The following AP2B1 variants were observed in gnomAD, a reference collection of about 807,000 sequenced individuals.
AP2B1 encodes the protein AP-2 complex subunit beta.
In AP2B1, 23 loss-of-function variants were observed where a neutral mutation model predicts 102.0. That is an observed-to-expected ratio of 0.23 (90% confidence interval 0.16 to 0.32). AP2B1 has a LOEUF of 0.32. Among genes scored for constraint, AP2B1 ranks in the 10% least tolerant of loss-of-function variants. The pLI, the probability that AP2B1 is intolerant of heterozygous loss-of-function variation, is 1.00. For synonymous variants in AP2B1, 381 were observed against 421.2 expected, an observed-to-expected ratio of 0.90 and a Z score of 1.17; for missense variants, 541 against 1,157.4, an observed-to-expected ratio of 0.47 and a Z score of 7.73.
intron 12 of AP2B1, among the ~76,000 whole-genome samples, chr17:35,647,467 T>C (rs1030082013): frequency 8.6e-5 from 13 of 152,028 alleles, no homozygotes; most frequent in African/African-American, 2.9e-4. Flanking sequence ...AACCCGGGCA[T>C]TTCAAATACT....
At chr17:35,713,754 C>T (rs1389234964) in intron 20 of AP2B1, 6 of 152,230 alleles carry the variant, frequency 3.9e-5, no homozygotes, top group African/African-American at 1.2e-4. Context: ...GAAAGAGACC[C>T]TCTTCCCAAG....
At chr17:35,703,527 C>G (rs1389572556) in intron 18 of AP2B1, among the ~76,000 whole-genome samples, 1 of 152,120 alleles carries the variant, frequency 6.6e-6, no homozygotes, top group Non-Finnish European at 1.5e-5. Context: ...ATGTCCTTTG[C>G]AGGAGCATAG....
At chr17:35,679,833 A>G (rs1464302715) in intron 17 of AP2B1, among the ~76,000 whole-genome samples, 1 of 152,024 alleles carries the variant, frequency 6.6e-6, no homozygotes, top group Non-Finnish European at 1.5e-5. Context: ...TCATTTCATT[A>G]TTACAATTTG....
intron 2 of AP2B1, among the ~76,000 whole-genome samples, chr17:35,595,773 A>T (rs1467707719): frequency 2.0e-5 from 3 of 152,142 alleles, no homozygotes; most frequent in Admixed American, 6.5e-5. Context: ...CTTACACCTC[A>T]CAAAAGCCAT....
intron 2 of AP2B1, among the ~76,000 whole-genome samples, chr17:35,594,670 G>A (rs1284106715): frequency 6.6e-6 from 1 of 152,044 alleles, no homozygotes; most frequent in African/African-American, 2.4e-5. Context: ...CATGTTCTTC[G>A]TCTAGATGTA....
At chr17:35,686,119 A>G (rs2075926106) in intron 18 of AP2B1, among the ~76,000 whole-genome samples, 1 of 152,250 alleles carries the variant, frequency 6.6e-6, no homozygotes, top group South Asian at 2.1e-4. Context: ...TTAAATACCT[A>G]GTAGAGATTT....
rs772846719 is a variant in AP2B1 at position 35,624,454 on chromosome 17, A to G, written c.583A>G (p.Asn195Asp). ...AATCAGTGAGTCTCACCCAAACAGC[A>G]ACTTACTTGATCTGAACCCACAGAA... is the stretch of plus-strand genomic sequence containing the variant. ...SEISESHPNS[N>D]LLDLNPQNIN... Residue 195 changes from asparagine (N) to aspartate (D), a missense_variant, in exon 6 of 22, where the codon AAC becomes GAC. Around this residue, in one of 10 missense-constraint regions of AP2B1, gnomAD observed 134 missense variants for 250.2 expected, o/e 0.54. Transcript: ENST00000610402. The G allele has an allele frequency of 4.3e-6, 7 of 1,614,194 alleles. No homozygotes were observed. The Admixed American group carries it at 1.0e-4, about 23-fold the overall frequency.
At chr17:35,670,068 A>G (rs527286542) in intron 14 of AP2B1, among the ~76,000 whole-genome samples, 4 of 152,344 alleles carry the variant, frequency 2.6e-5, no homozygotes, top group African/African-American at 9.6e-5. Context: ...ATCCTGAGAA[A>G]AAAAGCAAGA....
intron 21 of AP2B1, among the ~76,000 whole-genome samples, chr17:35,721,380 A>G (rs2085387210): frequency 6.6e-6 from 1 of 152,170 alleles, no homozygotes; most frequent in African/African-American, 2.4e-5. Context: ...GGCTGATGTT[A>G]AAGACATGTC....
chr17:35,694,960 C>T (rs377107206), intron 18 of AP2B1, among the ~76,000 whole-genome samples: 5 of 152,208 alleles, frequency 3.3e-5, no homozygotes, highest in Admixed American at 2.0e-4. Context: ...CCTCTGCCCC[C>T]CTCTTCCCAC....
chr17:35,696,821 C>T (rs1180356583), intron 18 of AP2B1, among the ~76,000 whole-genome samples: 1 of 152,242 alleles, frequency 6.6e-6, no homozygotes, highest in Non-Finnish European at 1.5e-5. Flanking sequence ...TCCTGCTCCT[C>T]TCCTACTAGA....
chr17:35,659,232 T>C (rs2075304499), intron 14 of AP2B1, among the ~76,000 whole-genome samples: 1 of 152,198 alleles, frequency 6.6e-6, no homozygotes, highest in Non-Finnish European at 1.5e-5. Flanking sequence ...AATTAAATAT[T>C]GCATCCTCCT....
chr17:35,679,739 T>G (rs2075777141), intron 17 of AP2B1, among the ~76,000 whole-genome samples: 1 of 152,072 alleles, frequency 6.6e-6, no homozygotes, highest in African/African-American at 2.4e-5. Flanking sequence ...AGAGTTTTGA[T>G]GACTGTGAGA....
At position 35,724,772 on chromosome 17, in the gene AP2B1, T is replaced by G. The variant is rs2085491610; in HGVS notation, c.*1073T>G. The G allele has an allele frequency of 6.6e-6, 1 of 152,282 alleles. No individual in the cohort carries two copies. Among genetic ancestry groups the G allele is most frequent in the Non-Finnish European group, 1.5e-5 (1 of 68,076 alleles). 9.4% of individuals were successfully genotyped at this position (152,282 alleles called of 1,614,324 possible). ...GTGGTTTTCACCACAGGACTGTCTC[T>G]TGTCGTTTTCCCCTAATGCCTTCTC... On this transcript the variant is annotated 3_prime_UTR_variant, in exon 22 of 22. Transcript: ENST00000610402.
intron 14 of AP2B1, among the ~76,000 whole-genome samples, chr17:35,667,547 C>T (rs1476553): frequency 0.5 from 75,850 of 151,992 alleles, 18,984 homozygotes; most frequent in East Asian, 0.52. Context: ...ACAGTACTTT[C>T]AGATCCTTTC....
chr17:35,605,361 G>C (rs2142383364), intron 3 of AP2B1, among the ~76,000 whole-genome samples: 1 of 151,124 alleles, frequency 6.6e-6, no homozygotes, highest in South Asian at 2.1e-4. Context: ...CGATTCTCCT[G>C]TCTCAGCCTC....
intron 1 of AP2B1, among the ~76,000 whole-genome samples, chr17:35,590,494 A>G (rs887607112): frequency 6.6e-6 from 1 of 151,934 alleles, no homozygotes; most frequent in Admixed American, 6.6e-5. Flanking sequence ...TATTTACACT[A>G]TTTTCATTTT....
intron 17 of AP2B1, among the ~76,000 whole-genome samples, chr17:35,675,828 C>T (rs1166455873): frequency 6.6e-6 from 1 of 151,568 alleles, no homozygotes; most frequent in Non-Finnish European, 1.5e-5. Context: ...TCTCTCTAAT[C>T]GTTAAAAAAA....
intron 5 of AP2B1, among the ~76,000 whole-genome samples, chr17:35,617,777 G>C (rs771935825): frequency 6.6e-6 from 1 of 152,150 alleles, no homozygotes; most frequent in Non-Finnish European, 1.5e-5. Flanking sequence ...ATCATAAGTG[G>C]TGTGATAATA....
Sources: gnomAD v4.1 joint callset for allele counts (sites outside exome capture counted in the v4.1 genomes callset) on GRCh38, gnomAD v4.1.1 for gene constraint, gnomAD v4.1.1 regional missense constraint, MANE v1.5 for transcripts, NCBI Gene and HGNC (gene_info 2026-07-23, HGNC 2026-07-21) for gene names.